Variants in CSN3 observed in about 807,000 individuals in gnomAD.
CSN3 encodes kappa-casein.
CSN3 carries 7 observed loss-of-function variants against 9.9 expected under a neutral mutation model. That is an observed-to-expected ratio of 0.71 (90% CI 0.40 to 1.33). The LOEUF is 1.33. CSN3 is among the 40% of genes most tolerant of loss of function. The pLI is 0.01. For synonymous variants in CSN3, 88 were observed against 82.3 expected (o/e 1.07, Z -0.37); for missense variants, 253 against 227.9 (o/e 1.11, Z -0.71).
intron 2 of CSN3, among the ~76,000 whole-genome samples, chr4:70,247,455 T>G (rs1016825490): frequency 4.6e-5 from 7 of 152,150 alleles, no homozygotes; most frequent in African/African-American, 1.7e-4. Flanking sequence ...GCTCCTCTAA[T>G]TTTTAACAAT....
At chr4:70,243,276 C>A (rs1730307752) in intron 1 of CSN3, 5 of 440,472 alleles carry the variant, frequency 1.1e-5, no homozygotes, top group Admixed American at 6.4e-5. Flanking sequence ...GTTTACATAT[C>A]ATTTTACTGT....
At chr4:70,241,312 A>G (rs955217909), upstream of CSN3, among the ~76,000 whole-genome samples, 1 of 152,024 alleles carries the variant, frequency 6.6e-6, no homozygotes, top group Non-Finnish European at 1.5e-5. Flanking sequence ...AAAACCAACT[A>G]TTCTGAGAAA....
chr4:70,246,253 G>A lies in CSN3; in HGVS notation c.54+1380G>A, dbSNP rs1730375196. On this transcript the variant is annotated intron_variant, in intron 2 of 4. Transcript: ENST00000304954. Reference sequence around the variant, plus strand: ...AACTGCATAAACACATAGCCTATTGGTGACATTATAATTTGACACAACTTT... The same window carrying A: ...AACTGCATAAACACATAGCCTATTGATGACATTATAATTTGACACAACTTT... 2.0e-5 allele frequency among the ~76,000 whole-genome samples: 3 copies of A among 151,988 alleles called. No individual in the cohort carries two copies. In the South Asian group the frequency reaches 6.2e-4, roughly 31 times the overall value.
At chr4:70,238,521 G>A (rs1730215556), upstream of CSN3, among the ~76,000 whole-genome samples, 1 of 151,890 alleles carries the variant, frequency 6.6e-6, no homozygotes, top group South Asian at 2.1e-4. Flanking sequence ...TGAATGTATT[G>A]TAAGTGCATA....
At chr4:70,251,336 A>AT (rs1730478575) in exon 5 of CSN3, 1 of 152,150 alleles carries the variant, frequency 6.6e-6, no homozygotes. Context: ...AGAAAATGTG[A>AT]TTTTCACAGA....
upstream of CSN3, among the ~76,000 whole-genome samples, chr4:70,238,564 T>A (rs1730216062): frequency 6.6e-6 from 1 of 151,910 alleles, no homozygotes; most frequent in Non-Finnish European, 1.5e-5. Context: ...AGAAGAATAA[T>A]CATATCAGAT....
At chr4:70,241,667 A>G (rs1560495054), upstream of CSN3, among the ~76,000 whole-genome samples, 1 of 151,982 alleles carries the variant, frequency 6.6e-6, no homozygotes, top group Non-Finnish European at 1.5e-5. Context: ...TGGGTTTGTG[A>G]TTTATGCTCT....
chr4:70,238,886 T>C (rs1224438488), upstream of CSN3, among the ~76,000 whole-genome samples: 1 of 151,752 alleles, frequency 6.6e-6, no homozygotes, highest in Non-Finnish European at 1.5e-5. Context: ...AAGAGACTAG[T>C]GGAGAACTAG....
At chr4:70,239,158 G>C (rs940561717), upstream of CSN3, among the ~76,000 whole-genome samples, 2 of 151,536 alleles carry the variant, frequency 1.3e-5, no homozygotes, top group African/African-American at 4.8e-5. Flanking sequence ...CCTAAATTTA[G>C]AGTTTGAGGA....
At chr4:70,249,452 C>A in exon 4 of CSN3, 1 of 1,610,730 alleles carries the variant, frequency 6.2e-7, no homozygotes, top group Non-Finnish European at 8.5e-7. Flanking sequence ...ACTCCACCTA[C>A]GGCATAAAAA....
chr4:70,249,490 G>A (rs779814487), exon 4 of CSN3: 37 of 1,527,312 alleles, frequency 2.4e-5, no homozygotes, highest in African/African-American at 5.5e-5. Context: ...AGAACACAAC[G>A]CAGGTAAATT....
chr4:70,248,880 T>C (rs550882603), intron 3 of CSN3, 118 bp from the exon 4 acceptor site: 4 of 616,256 alleles, frequency 6.5e-6, no homozygotes, highest in African/African-American at 5.5e-5. Flanking sequence ...CTGGGTTCCA[T>C]ACTTCTAATA....
chr4:70,249,142 C>A, exon 4 of CSN3: 1 of 1,614,010 alleles, frequency 6.2e-7, no homozygotes, highest in Non-Finnish European at 8.5e-7. Context: ...ATATGTGCCT[C>A]GCACATATTA....
At position 70,249,278 on chromosome 4, in the gene CSN3, A is replaced by C; in HGVS notation, c.368A>C (p.Lys123Thr). The change falls in exon 4 of 5, where the codon AAG becomes ACG. Residue 123 changes from lysine to threonine, a missense_variant. Transcript: ENST00000304954. ...CCATCATTTATTGCCATCCCCCCAA[A>C]GAAAATTCAGGATAAAATAATCATC... is the stretch of plus-strand genomic sequence containing the variant. 4 of 1,614,134 alleles carry C rather than the reference A, an allele frequency of 2.5e-6. No individual in the cohort carries two copies. The South Asian group carries it at 4.4e-5, about 18-fold the overall frequency.
chr4:70,248,666 G>C (rs150641438), intron 3 of CSN3, among the ~76,000 whole-genome samples: 17 of 152,142 alleles, frequency 1.1e-4, no homozygotes, highest in African/African-American at 4.1e-4. Context: ...ATTTTTCTCT[G>C]TGTTGTACCT....
upstream of CSN3, among the ~76,000 whole-genome samples, chr4:70,241,592 C>T (rs1287239141): frequency 2.6e-5 from 4 of 151,984 alleles, no homozygotes; most frequent in African/African-American, 9.7e-5. Flanking sequence ...AGAAAATATG[C>T]TTTCCTGAAT....
chr4:70,245,250 TTTAA>T (rs1247027073), intron 2 of CSN3, among the ~76,000 whole-genome samples: 1 of 152,140 alleles, frequency 6.6e-6, no homozygotes, highest in Non-Finnish European at 1.5e-5. Context: ...CAGAAATTAT[TTTAA>T]TTAAGTTCCT....
chr4:70,249,168 A>T lies in CSN3; in HGVS notation c.258A>T (p.Val86=), dbSNP rs536571742. ...GCACATATTATGCAAACCCAGCTGT[A>T]GTTAGGCCACATGCCCAAATTCCTC... Residue 86 remains valine, a synonymous_variant, in exon 4 of 5, where the codon GTA becomes GTT. Coordinates refer to ENST00000304954, the Ensembl canonical transcript of CSN3. The T allele has an allele frequency of 3.1e-5, 50 of 1,614,120 alleles. No individual in the cohort carries two copies. In the South Asian group the frequency reaches 4.1e-4, roughly 13 times the overall value.
intron 2 of CSN3, among the ~76,000 whole-genome samples, chr4:70,245,831 A>T (rs995884660): frequency 6.6e-6 from 1 of 152,122 alleles, no homozygotes; most frequent in East Asian, 1.9e-4. Context: ...CAATTCTTGG[A>T]GTCAAAATTA....
Sources: allele counts gnomAD v4.1 joint callset (sites outside exome capture counted in the v4.1 genomes callset), GRCh38; gene constraint gnomAD v4.1.1; transcripts MANE v1.5; gene names NCBI Gene and HGNC (gene_info 2026-07-23, HGNC 2026-07-21).